Variants in SLC39A12 observed in about 807,000 individuals in gnomAD.
SLC39A12 encodes the protein zinc transporter ZIP12.
Under a neutral mutation model 71.1 loss-of-function variants are expected in SLC39A12, and 63 were observed. The ratio of observed to expected loss-of-function variants is 0.89; its 90% CI spans 0.72 to 1.09. SLC39A12 has a LOEUF of 1.09. Ranked by LOEUF, SLC39A12 falls within the 50% of genes least tolerant of loss-of-function variation. The probability of loss-of-function intolerance (pLI) is 0.00; values close to 1 mark genes in which losing one functional copy is unlikely to be tolerated. For missense variants in SLC39A12, 892 were observed against 812.6 expected, an observed-to-expected ratio of 1.10 and a Z score of -1.19; for synonymous variants, 351 against 301.3, an observed-to-expected ratio of 1.16 and a Z score of -1.71.
At chr10:17,965,431 C>A in intron 3 of SLC39A12, 52 bp from the exon 4 acceptor site, 3 of 1,542,506 alleles carry the variant, frequency 1.9e-6, no homozygotes, top group South Asian at 2.3e-5. Flanking sequence ...ATGTTAGAAT[C>A]AAAATAACTT....
At chr10:18,037,382 G>C (rs115640369) in intron 12 of SLC39A12, among the ~76,000 whole-genome samples, 1 of 151,938 alleles carries the variant, frequency 6.6e-6, no homozygotes, top group East Asian at 2.0e-4. Context: ...AATAGACAAG[G>C]ATGAATTTCA....
In SLC39A12 at chr10:17,960,152, G is replaced by A. The variant is rs559727922; in HGVS notation, c.262-1429G>A. On this transcript the variant is annotated intron_variant, in intron 2 of 12. Transcript: ENST00000377369. ...TTGTGGGAAAGTGACTAGGAAATAT[G>A]TATGGGAAACCAAAAATTTTTTTTA... Among the ~76,000 whole-genome samples, 12 of 152,288 alleles carry A rather than the reference G, an allele frequency of 7.9e-5. No homozygotes were observed. The East Asian group carries it at 2.3e-3, about 29-fold the overall frequency.
At chr10:18,018,313 A>T (rs539751029) in intron 12 of SLC39A12, among the ~76,000 whole-genome samples, 6 of 152,144 alleles carry the variant, frequency 3.9e-5, no homozygotes, top group Admixed American at 2.6e-4. Context: ...TACAGTTATC[A>T]TGTCATCCGT....
chr10:18,028,713 A>ATTTTC (rs1026331300), intron 12 of SLC39A12, among the ~76,000 whole-genome samples: 1 of 151,592 alleles, frequency 6.6e-6, no homozygotes, highest in African/African-American at 2.4e-5. Flanking sequence ...AGTTTAAAAC[A>ATTTTC]TTTTCTTTTC....
chr10:18,011,747 C>T (rs1836231210), intron 12 of SLC39A12, among the ~76,000 whole-genome samples: 1 of 152,196 alleles, frequency 6.6e-6, no homozygotes. Flanking sequence ...ATCTTAGTCT[C>T]TCCTAATTGC....
At chr10:17,992,274 A>G (rs1018258886) in intron 8 of SLC39A12, among the ~76,000 whole-genome samples, 137 of 152,302 alleles carry the variant, frequency 9.0e-4, no homozygotes, top group African/African-American at 3.2e-3. Flanking sequence ...TCATAGGATC[A>G]AGGAAGTGGA....
intron 12 of SLC39A12, chr10:18,008,646 A>G (rs1444557616): frequency 1.3e-5 from 2 of 152,138 alleles, no homozygotes; most frequent in Non-Finnish European, 1.5e-5. Flanking sequence ...TCCCTGGTGC[A>G]TTCTCCCCAG....
At chr10:17,974,216 A>G (rs188007260) in intron 4 of SLC39A12, among the ~76,000 whole-genome samples, 2 of 152,178 alleles carry the variant, frequency 1.3e-5, no homozygotes, top group African/African-American at 4.8e-5. Flanking sequence ...TTTGAATTCT[A>G]TATCTGAAAA....
At chr10:18,008,013 T>G (rs1030370199) in intron 12 of SLC39A12, among the ~76,000 whole-genome samples, 4 of 152,188 alleles carry the variant, frequency 2.6e-5, no homozygotes, top group African/African-American at 9.6e-5. Context: ...TAACAATTAC[T>G]CTTACCATTA....
intron 6 of SLC39A12, among the ~76,000 whole-genome samples, chr10:17,982,040 G>C (rs1039691154): frequency 6.6e-6 from 1 of 152,040 alleles, no homozygotes; most frequent in Non-Finnish European, 1.5e-5. Context: ...TATCCTATAG[G>C]GCTGCCTTTC....
At chr10:17,978,957 A>G (rs1482734619) in intron 5 of SLC39A12, among the ~76,000 whole-genome samples, 5 of 152,198 alleles carry the variant, frequency 3.3e-5, no homozygotes, top group African/African-American at 1.2e-4. Context: ...CCCAGAATCT[A>G]CTGAATCATA....
chr10:17,972,651 C>A (rs949255807), intron 4 of SLC39A12, among the ~76,000 whole-genome samples: 4 of 152,138 alleles, frequency 2.6e-5, no homozygotes, highest in African/African-American at 7.2e-5. Context: ...AGGATAGTGA[C>A]TCCTGCTTTT....
At chr10:18,021,098 G>A (rs1296445292) in intron 12 of SLC39A12, among the ~76,000 whole-genome samples, 1 of 151,810 alleles carries the variant, frequency 6.6e-6, no homozygotes, top group East Asian at 1.9e-4. Context: ...TTTTTGTAAT[G>A]CTAGGTTTTA....
intron 12 of SLC39A12, among the ~76,000 whole-genome samples, chr10:18,014,056 G>A (rs1156898864): frequency 6.6e-6 from 1 of 152,076 alleles, no homozygotes; most frequent in Non-Finnish European, 1.5e-5. Flanking sequence ...AAGTAGTATT[G>A]ATATCTTAAT....
chr10:18,001,263 C>T (rs1266104277), intron 11 of SLC39A12, among the ~76,000 whole-genome samples: 1 of 152,112 alleles, frequency 6.6e-6, no homozygotes, highest in Non-Finnish European at 1.5e-5. Context: ...ACCTGTAATC[C>T]CAGCACTTTG....
chr10:18,018,623 C>T (rs1183524461), intron 12 of SLC39A12, among the ~76,000 whole-genome samples: 1 of 152,064 alleles, frequency 6.6e-6, no homozygotes, highest in African/African-American at 2.4e-5. Context: ...TTTCCTACAC[C>T]TATTGATATG....
chr10:17,992,088 C>CAAAAAAAAAAAAAAA (rs59014549), intron 8 of SLC39A12, among the ~76,000 whole-genome samples: 1 of 87,226 alleles, frequency 1.1e-5, no homozygotes, highest in Non-Finnish European at 2.1e-5. Context: ...GACTCCATCT[C>CAAAAAAAAAAAAAAA]AAAAAAAAAA....
chr10:18,002,650 G>C (rs971404739), intron 11 of SLC39A12: 1 of 152,176 alleles, frequency 6.6e-6, no homozygotes, highest in Admixed American at 6.5e-5. Flanking sequence ...TGGAGAGAAT[G>C]AGATCATTTT....
intron 8 of SLC39A12, among the ~76,000 whole-genome samples, chr10:17,992,088 C>CAAAAAAAAAAAAAAAAAA (rs59014549): frequency 2.3e-4 from 20 of 87,210 alleles, no homozygotes; most frequent in South Asian, 4.5e-4. Context: ...GACTCCATCT[C>CAAAAAAAAAAAAAAAAAA]AAAAAAAAAA....
Sources: gnomAD v4.1 joint callset for allele counts (sites outside exome capture counted in the v4.1 genomes callset) on GRCh38, gnomAD v4.1.1 for gene constraint, MANE v1.5 for transcripts, NCBI Gene and HGNC (gene_info 2026-07-23, HGNC 2026-07-21) for gene names.